Variants in SEMA6D observed in about 807,000 individuals in gnomAD.
The protein encoded by SEMA6D is semaphorin 6D, also known as semaphorin-6D.
In SEMA6D, 35 loss-of-function variants were observed where a neutral mutation model predicts 106.6. The observed-to-expected ratio is 0.33, with a 90% CI of 0.25 to 0.44. SEMA6D has a LOEUF of 0.44. SEMA6D is among the 20% of genes least tolerant of loss of function. SEMA6D has a pLI of 1.00. For missense variants in SEMA6D, 1,185 were observed against 1,345.9 expected (o/e 0.88, Z 1.87); for synonymous variants, 499 against 487.7 (o/e 1.02, Z -0.31).
chr15:47,270,134 A>G (rs1401939437), intron 1 of SEMA6D, among the ~76,000 whole-genome samples: 1 of 148,274 alleles, frequency 6.7e-6, no homozygotes, highest in Non-Finnish European at 1.5e-5. Context: ...TAAATAATAT[A>G]TATTTGTATA....
At chr15:47,435,215 T>A (rs2041663017) in intron 2 of SEMA6D, among the ~76,000 whole-genome samples, 1 of 152,104 alleles carries the variant, frequency 6.6e-6, no homozygotes, top group African/African-American at 2.4e-5. Context: ...TTTTTTTGAA[T>A]GGAGAAGGAA....
At chr15:47,243,935 G>A (rs925831693) in intron 1 of SEMA6D, among the ~76,000 whole-genome samples, 4 of 152,118 alleles carry the variant, frequency 2.6e-5, no homozygotes, top group Non-Finnish European at 5.9e-5. Flanking sequence ...TTTGACAACA[G>A]TCCTTGCATG....
At chr15:47,473,747 C>G (rs2042922025) in intron 3 of SEMA6D, among the ~76,000 whole-genome samples, 1 of 152,184 alleles carries the variant, frequency 6.6e-6, no homozygotes, top group Admixed American at 6.5e-5. Flanking sequence ...AAGGTTTGCT[C>G]TGATTATCAG....
intron 3 of SEMA6D, among the ~76,000 whole-genome samples, chr15:47,505,574 A>G (rs533627790): frequency 3.3e-5 from 5 of 152,294 alleles, no homozygotes; most frequent in East Asian, 1.9e-4. Flanking sequence ...GAGGTTATCT[A>G]GCTGACATCC....
At chr15:47,601,438 A>G (rs2076656781) in intron 4 of SEMA6D, among the ~76,000 whole-genome samples, 2 of 152,176 alleles carry the variant, frequency 1.3e-5, no homozygotes, top group African/African-American at 4.8e-5. Context: ...AAATAACATA[A>G]TAGGGATCCT....
intron 3 of SEMA6D, 78 bp from the exon 4 acceptor site, chr15:47,760,900 T>C: frequency 7.9e-7 from 1 of 1,269,590 alleles, no homozygotes; most frequent in Non-Finnish European, 1.1e-6. Context: ...TAAAGGCAGA[T>C]CTGTAAAAAT....
chr15:47,616,595 AG>A (rs2077011654), intron 4 of SEMA6D, among the ~76,000 whole-genome samples: 1 of 151,432 alleles, frequency 6.6e-6, no homozygotes, highest in Non-Finnish European at 1.5e-5. Flanking sequence ...AAAAAAAAAA[AG>A]ATGATCCTAG....
rs550449981 is a variant in SEMA6D, at chr15:47,623,846, T to A, written c.-55+22950T>A. Among the ~76,000 whole-genome samples, 12 of 152,308 alleles carry A rather than the reference T, an allele frequency of 7.9e-5. No individual in the cohort carries two copies. The South Asian group carries it at 1.2e-3, about 16-fold the overall frequency. ...TTGTGATATACCTGTGCTTCAAATC[T>A]TGCCCTCTCTATAATCCATTCTTCA... On this transcript the variant is annotated intron_variant, in intron 4 of 19. Transcript: ENST00000558014.
At chr15:47,495,848 G>A (rs1022313807) in intron 3 of SEMA6D, among the ~76,000 whole-genome samples, 1 of 152,026 alleles carries the variant, frequency 6.6e-6, no homozygotes, top group Admixed American at 6.6e-5. Flanking sequence ...AATTTCCAGA[G>A]TATTTAAAAG....
chr15:47,353,451 C>A (rs190553744), intron 1 of SEMA6D, among the ~76,000 whole-genome samples: 1 of 152,260 alleles, frequency 6.6e-6, no homozygotes, highest in East Asian at 1.9e-4. Context: ...GTTGCACATT[C>A]CTTGCTTTCT....
intron 4 of SEMA6D, among the ~76,000 whole-genome samples, chr15:47,619,226 T>C (rs2077058346): frequency 6.6e-6 from 1 of 152,208 alleles, no homozygotes; most frequent in Non-Finnish European, 1.5e-5. Flanking sequence ...TTTCCTCTCC[T>C]TTGGAGGGAA....
At chr15:47,757,527 C>T (rs1340396478) in intron 1 of SEMA6D, among the ~76,000 whole-genome samples, 2 of 152,194 alleles carry the variant, frequency 1.3e-5, no homozygotes, top group African/African-American at 4.8e-5. Context: ...ACCATCTTGT[C>T]AGCACAATGG....
chr15:47,188,416 C>T (rs556056084), intron 1 of SEMA6D, among the ~76,000 whole-genome samples: 5 of 152,184 alleles, frequency 3.3e-5, no homozygotes, highest in South Asian at 2.1e-4. Context: ...AAAAATGAAA[C>T]ATTTGTGAAA....
intron 1 of SEMA6D, among the ~76,000 whole-genome samples, chr15:47,249,053 C>A (rs1412166460): frequency 1.3e-5 from 2 of 152,026 alleles, no homozygotes; most frequent in Non-Finnish European, 2.9e-5. Context: ...CATGATGAAA[C>A]CCCATCTCTA....
At chr15:47,493,713 TACA>T (rs1420198547) in intron 3 of SEMA6D, among the ~76,000 whole-genome samples, 1 of 152,172 alleles carries the variant, frequency 6.6e-6, no homozygotes, top group East Asian at 1.9e-4. Flanking sequence ...GTAAAATTAC[TACA>T]ATCTCTTGTA....
intron 4 of SEMA6D, among the ~76,000 whole-genome samples, chr15:47,703,999 A>G (rs952622163): frequency 1.3e-5 from 2 of 152,188 alleles, no homozygotes; most frequent in Non-Finnish European, 2.9e-5. Context: ...GATTTTTGAT[A>G]TTTTGATATA....
At chr15:47,626,466 TC>T (rs2077203741) in intron 4 of SEMA6D, among the ~76,000 whole-genome samples, 1 of 152,170 alleles carries the variant, frequency 6.6e-6, no homozygotes, top group African/African-American at 2.4e-5. Flanking sequence ...CTTTCTGAAT[TC>T]CTGTTGTCAT....
intron 4 of SEMA6D, among the ~76,000 whole-genome samples, chr15:47,680,201 G>A (rs899363622): frequency 2.6e-5 from 4 of 152,040 alleles, no homozygotes; most frequent in Non-Finnish European, 5.9e-5. Flanking sequence ...TCACCTGCCC[G>A]TAGCAGCTCC....
intron 2 of SEMA6D, among the ~76,000 whole-genome samples, chr15:47,453,934 C>G (rs2042266182): frequency 6.6e-6 from 1 of 151,960 alleles, no homozygotes; most frequent in South Asian, 2.1e-4. Context: ...TCTATTGATG[C>G]TCTTTTTGGC....
Sources: gnomAD v4.1 joint callset for allele counts (sites outside exome capture counted in the v4.1 genomes callset) on GRCh38, gnomAD v4.1.1 for gene constraint, MANE v1.5 for transcripts, NCBI Gene and HGNC (gene_info 2026-07-23, HGNC 2026-07-21) for gene names.